TRHDE: variants seen among roughly 807,000 people sequenced by gnomAD.
TRHDE encodes the protein thyrotropin releasing hormone degrading enzyme, also known as thyrotropin-releasing hormone-degrading ectoenzyme.
In TRHDE, 72 loss-of-function variants were observed where a neutral mutation model predicts 125.7. The ratio of observed to expected loss-of-function variants is 0.57; its 90% CI spans 0.47 to 0.70. TRHDE has a LOEUF of 0.70. Ranked by LOEUF, TRHDE falls within the 30% of genes least tolerant of loss-of-function variation. TRHDE has a pLI of 0.00. For synonymous variants in TRHDE, 509 were observed against 509.1 expected, an observed-to-expected ratio of 1.00 and a Z score of 0.00; for missense variants, 1,110 against 1,327.1, an observed-to-expected ratio of 0.84 and a Z score of 2.54.
intron 2 of TRHDE, among the ~76,000 whole-genome samples, chr12:72,238,339 T>TAATATATATA (rs1483769640): frequency 2.4e-4 from 5 of 21,164 alleles, no homozygotes; most frequent in Admixed American, 6.4e-4. Context: ...TATATACACA[T>TAATATATATA]TATATATATA....
chr12:72,601,568 T>C (rs921156317), intron 12 of TRHDE, among the ~76,000 whole-genome samples: 1 of 152,264 alleles, frequency 6.6e-6, no homozygotes, highest in East Asian at 1.9e-4. Flanking sequence ...CAAAGACGTC[T>C]TCCATGAAAG....
chr12:72,229,985 A>G (rs1189533053), intron 2 of TRHDE, among the ~76,000 whole-genome samples: 2 of 152,176 alleles, frequency 1.3e-5, no homozygotes, highest in African/African-American at 4.8e-5. Context: ...TTACAATATA[A>G]GAAATGACAC....
chr12:72,483,484 T>C (rs1393021779), intron 5 of TRHDE, among the ~76,000 whole-genome samples: 2 of 152,014 alleles, frequency 1.3e-5, no homozygotes, highest in African/African-American at 4.8e-5. Context: ...TTTTTGTTAT[T>C]ATTAGGTACT....
chr12:72,125,169 C>G (rs1456271283), intron 2 of TRHDE, among the ~76,000 whole-genome samples: 1 of 151,826 alleles, frequency 6.6e-6, no homozygotes, highest in East Asian at 2.0e-4. Context: ...ACTAAGATTA[C>G]TTTATCATCA....
chr12:72,598,651 A>C (rs1448646086), intron 12 of TRHDE, among the ~76,000 whole-genome samples: 3 of 152,158 alleles, frequency 2.0e-5, no homozygotes, highest in Non-Finnish European at 4.4e-5. Flanking sequence ...GAATTCCTGG[A>C]GAGCAAAGTT....
intron 3 of TRHDE, among the ~76,000 whole-genome samples, chr12:72,464,624 A>C (rs1422398565): frequency 6.6e-6 from 1 of 152,190 alleles, no homozygotes; most frequent in Non-Finnish European, 1.5e-5. Flanking sequence ...CAAGAAAATG[A>C]AAAACAAAGC....
chr12:72,575,788 G>A (rs1870966032), intron 12 of TRHDE, among the ~76,000 whole-genome samples: 1 of 152,030 alleles, frequency 6.6e-6, no homozygotes, highest in African/African-American at 2.4e-5. Context: ...TAACACTGAA[G>A]ATTAATAGTC....
intron 3 of TRHDE, among the ~76,000 whole-genome samples, chr12:72,433,286 G>C (rs1054189520): frequency 6.6e-6 from 1 of 151,938 alleles, no homozygotes; most frequent in Non-Finnish European, 1.5e-5. Flanking sequence ...GTCTGCTTGT[G>C]GTCCCAGAGT....
intron 2 of TRHDE, among the ~76,000 whole-genome samples, chr12:72,146,102 C>T (rs1325844479): frequency 6.6e-6 from 1 of 152,076 alleles, no homozygotes; most frequent in Non-Finnish European, 1.5e-5. Flanking sequence ...GGACCATGTG[C>T]TATTAAAGGT....
intron 6 of TRHDE, among the ~76,000 whole-genome samples, chr12:72,507,540 C>A (rs997158163): frequency 6.6e-6 from 1 of 152,106 alleles, no homozygotes; most frequent in African/African-American, 2.4e-5. Context: ...CAAGATGTAG[C>A]CTGGCTGTTT....
chr12:72,094,112 G>C (rs1232552006), intron 1 of TRHDE, among the ~76,000 whole-genome samples: 1 of 152,212 alleles, frequency 6.6e-6, no homozygotes, highest in Non-Finnish European at 1.5e-5. Context: ...TATCAGGACT[G>C]AATTTGGCAT....
At chr12:72,658,682 G>A (rs758114594) in intron 18 of TRHDE, among the ~76,000 whole-genome samples, 5 of 152,004 alleles carry the variant, frequency 3.3e-5, no homozygotes, top group Non-Finnish European at 7.4e-5. Context: ...TTATTTAATT[G>A]CCATTTTAGA....
In TRHDE at chr12:72,523,590, A is replaced by G. The variant is rs146653500; in HGVS notation, c.1723-18701A>G. Reference sequence around the variant, plus strand: ...TAATTTGTGGAATGCCAGTTCTACAATATGTTTTATAAAAATTATTTTCTT... The same window carrying G: ...TAATTTGTGGAATGCCAGTTCTACAGTATGTTTTATAAAAATTATTTTCTT... On this transcript the variant is annotated intron_variant, in intron 6 of 18. Coordinates refer to ENST00000261180, the MANE Select transcript of TRHDE (RefSeq NM_013381.3). Among the ~76,000 whole-genome samples, 458 of 152,308 alleles carry G rather than the reference A, an allele frequency of 3.0e-3. 1 individual carries two copies. Among genetic ancestry groups the G allele is most frequent in the African/African-American group, 0.011 (439 of 41,570 alleles).
intron 12 of TRHDE, among the ~76,000 whole-genome samples, chr12:72,584,411 A>G (rs1027196229): frequency 4.6e-5 from 7 of 152,136 alleles, no homozygotes; most frequent in African/African-American, 1.7e-4. Flanking sequence ...TGAGAACACA[A>G]CATTCACTCT....
intron 3 of TRHDE, among the ~76,000 whole-genome samples, chr12:72,383,273 T>C (rs1483132582): frequency 2.0e-5 from 3 of 152,232 alleles, no homozygotes; most frequent in African/African-American, 7.2e-5. Flanking sequence ...TTGTTATCTT[T>C]TTTTATATCC....
intron 2 of TRHDE, among the ~76,000 whole-genome samples, chr12:72,341,990 G>C (rs1247376582): frequency 6.6e-6 from 1 of 151,970 alleles, no homozygotes; most frequent in Non-Finnish European, 1.5e-5. Flanking sequence ...GTCAGTATTA[G>C]GAAGGATTGA....
intron 2 of TRHDE, among the ~76,000 whole-genome samples, chr12:72,346,494 G>A (rs1320112061): frequency 6.8e-6 from 1 of 147,118 alleles, no homozygotes; most frequent in Non-Finnish European, 1.5e-5. Flanking sequence ...TGTTCCCGAG[G>A]AGCATCTTTA....
At chr12:72,368,753 T>A (rs943267291) in intron 2 of TRHDE, among the ~76,000 whole-genome samples, 1 of 152,182 alleles carries the variant, frequency 6.6e-6, no homozygotes, top group African/African-American at 2.4e-5. Flanking sequence ...CAGTCTTTGA[T>A]GTTCTTTTTC....
At chr12:72,135,622 A>C (rs1875967060) in intron 2 of TRHDE, among the ~76,000 whole-genome samples, 1 of 152,030 alleles carries the variant, frequency 6.6e-6, no homozygotes, top group Admixed American at 6.6e-5. Context: ...TAGCTGCCTC[A>C]AGTCTCTGAA....
Sources: allele counts gnomAD v4.1 joint callset (sites outside exome capture counted in the v4.1 genomes callset), GRCh38; gene constraint gnomAD v4.1.1; transcripts MANE v1.5; gene names NCBI Gene and HGNC (gene_info 2026-07-23, HGNC 2026-07-21).